DSCAM: variants seen among roughly 807,000 people sequenced by gnomAD.
DSCAM encodes the protein cell adhesion molecule DSCAM.
Under a neutral mutation model 217.7 loss-of-function variants are expected in DSCAM, and 47 were observed. The observed-to-expected ratio is 0.22, with a 90% CI of 0.17 to 0.28. The LOEUF is 0.28. Ranked by LOEUF, DSCAM falls within the 10% of genes least tolerant of loss-of-function variation. The pLI is 1.00. For synonymous variants in DSCAM, 1,056 were observed against 1,015.3 expected (o/e 1.04, Z -0.76); for missense variants, 2,080 against 2,618.3 (o/e 0.79, Z 4.49).
At chr21:40,025,397 G>A (rs1376253542) in intron 32 of DSCAM, among the ~76,000 whole-genome samples, 54 of 143,682 alleles carry the variant, frequency 3.8e-4, no homozygotes, top group Non-Finnish European at 3.2e-4. Context: ...AAATGAGTTA[G>A]GGAGGATTCC....
chr21:40,534,806 T>C (rs1032465946), intron 3 of DSCAM, among the ~76,000 whole-genome samples: 1 of 152,244 alleles, frequency 6.6e-6, no homozygotes, highest in Non-Finnish European at 1.5e-5. Context: ...TTTAATTTAA[T>C]CTATTATCAA....
At chr21:40,598,069 G>A (rs947127197) in intron 3 of DSCAM, among the ~76,000 whole-genome samples, 1 of 152,180 alleles carries the variant, frequency 6.6e-6, no homozygotes, top group African/African-American at 2.4e-5. Context: ...TAGTTTTACT[G>A]CCTCACAAAT....
At chr21:40,159,683 A>T (rs887149860) in intron 16 of DSCAM, among the ~76,000 whole-genome samples, 2 of 152,174 alleles carry the variant, frequency 1.3e-5, no homozygotes, top group Non-Finnish European at 2.9e-5. Context: ...CTAGCGTTCA[A>T]GGAATTATTC....
At chr21:40,347,317 A>G (rs2074569507) in intron 6 of DSCAM, among the ~76,000 whole-genome samples, 1 of 151,244 alleles carries the variant, frequency 6.6e-6, no homozygotes, top group African/African-American at 2.4e-5. Flanking sequence ...AAAAAAAAAA[A>G]TTCCCCAAGC....
rs548731070 is a variant in DSCAM, at chr21:40,021,579, C to T, written c.5687-8193G>A. Reference sequence around the variant, plus strand: ...GAACCCAGGCAGCTGCTTTGACTTCCGCCTTGAGGATGAGACGCTTTACCC... The same window carrying T: ...GAACCCAGGCAGCTGCTTTGACTTCTGCCTTGAGGATGAGACGCTTTACCC... On this transcript the variant is annotated intron_variant, in intron 32 of 32. Transcript: ENST00000400454. 7.2e-5 allele frequency among the ~76,000 whole-genome samples: 11 copies of T among 152,308 alleles called. No homozygotes were observed. The East Asian group carries it at 1.9e-3, about 27-fold the overall frequency.
intron 11 of DSCAM, among the ~76,000 whole-genome samples, chr21:40,235,155 A>G (rs2146931175): frequency 6.6e-6 from 1 of 152,354 alleles, no homozygotes; most frequent in South Asian, 2.1e-4. Context: ...GTGATACATT[A>G]CAATGGAGTT....
chr21:40,690,270 T>C (rs1328203906), intron 3 of DSCAM, among the ~76,000 whole-genome samples: 1 of 152,184 alleles, frequency 6.6e-6, no homozygotes, highest in Non-Finnish European at 1.5e-5. Flanking sequence ...AGAAGTCAGG[T>C]AAAATGCTCA....
chr21:40,313,702 G>A (rs1350167445), intron 8 of DSCAM, among the ~76,000 whole-genome samples: 5 of 152,054 alleles, frequency 3.3e-5, no homozygotes, highest in East Asian at 1.9e-4. Context: ...AACTATTCTC[G>A]GAGGGCTTAA....
intron 1 of DSCAM, among the ~76,000 whole-genome samples, chr21:40,783,843 A>G (rs982045820): frequency 2.0e-5 from 3 of 152,192 alleles, no homozygotes; most frequent in Admixed American, 1.3e-4. Context: ...CTTCCTAAAG[A>G]ACTCTGGGGA....
intron 3 of DSCAM, among the ~76,000 whole-genome samples, chr21:40,451,168 G>A (rs535429152): frequency 9.9e-5 from 15 of 152,148 alleles, no homozygotes; most frequent in Non-Finnish European, 1.8e-4. Flanking sequence ...AATTTGGATC[G>A]CCTGTTGATG....
intron 11 of DSCAM, among the ~76,000 whole-genome samples, chr21:40,227,130 C>T (rs1167360738): frequency 3.3e-5 from 5 of 152,026 alleles, no homozygotes; most frequent in Non-Finnish European, 7.4e-5. Context: ...ACCACATTTT[C>T]TTTAGTAGTT....
In DSCAM at chr21:40,694,507, A is replaced by C. The variant is rs538703950; in HGVS notation, c.362-1551T>G. On this transcript the variant is annotated intron_variant, in intron 2 of 32. Coordinates refer to ENST00000400454, the MANE Select transcript of DSCAM (RefSeq NM_001389.5). ...GTGATATGCTGAGCATTTTTGTAGT[A>C]AAGCATGTCTTTCATGAAAGCCTTC... Among the ~76,000 whole-genome samples the C allele has an allele frequency of 2.0e-5, 3 of 152,332 alleles. No homozygotes were observed. In the South Asian group the frequency reaches 6.2e-4, roughly 32 times the overall value.
At chr21:40,033,341 G>A (rs528732051) in intron 32 of DSCAM, among the ~76,000 whole-genome samples, 4 of 152,188 alleles carry the variant, frequency 2.6e-5, no homozygotes, top group Non-Finnish European at 4.4e-5. Flanking sequence ...GCCGAAGCAG[G>A]GCGAGGCATT....
chr21:40,305,968 A>G (rs112526871), intron 9 of DSCAM, among the ~76,000 whole-genome samples: 4,152 of 152,074 alleles, frequency 0.027, 192 homozygotes, highest in African/African-American at 0.096. Context: ...GTTTTTTCCA[A>G]TTCTGTGAAG....
chr21:40,709,394 G>A (rs546898773), intron 1 of DSCAM, among the ~76,000 whole-genome samples: 1 of 152,284 alleles, frequency 6.6e-6, no homozygotes, highest in East Asian at 1.9e-4. Context: ...AGAATGTGCA[G>A]GTTTGTCACA....
intron 14 of DSCAM, among the ~76,000 whole-genome samples, chr21:40,183,985 C>T (rs764671117): frequency 1.3e-5 from 2 of 152,084 alleles, no homozygotes; most frequent in Non-Finnish European, 2.9e-5. Context: ...TAAGGTTTGT[C>T]AGAGACAATT....
intron 3 of DSCAM, among the ~76,000 whole-genome samples, chr21:40,390,596 C>A (rs915908393): frequency 1.3e-5 from 2 of 152,132 alleles, no homozygotes; most frequent in Admixed American, 1.3e-4. Flanking sequence ...GTATTATTGG[C>A]AGGTCCGTAC....
chr21:40,052,022 A>T lies in DSCAM; in HGVS notation c.5121T>A (p.His1707Gln), dbSNP rs761560557. 9 of 1,614,184 alleles carry T rather than the reference A, an allele frequency of 5.6e-6. No individual in the cohort carries two copies. The East Asian group carries it at 2.0e-4, about 36-fold the overall frequency. The part of the protein sequence containing the change: ...QKSLTVTHTV[H>Q]YQSVSQATGP... ...CAGTGGCCTGAGACACCGATTGGTAATGGACCGTGTGAGTGACCGTCAGGG... is the reference window on the plus strand; with the variant it reads ...CAGTGGCCTGAGACACCGATTGGTATTGGACCGTGTGAGTGACCGTCAGGG... Residue 1707 changes from histidine (H) to glutamine (Q), a missense_variant, in exon 30 of 33, where the codon CAT becomes CAA. Around this residue, in one of 5 missense-constraint regions of DSCAM, gnomAD observed 1,144 missense variants for 1,421.1 expected, o/e 0.81. Transcript: ENST00000400454.
intron 3 of DSCAM, among the ~76,000 whole-genome samples, chr21:40,513,661 C>T (rs546481786): frequency 6.6e-6 from 1 of 152,242 alleles, no homozygotes; most frequent in Admixed American, 6.5e-5. Context: ...CGGCACCAAG[C>T]TATACATGAG....
Sources: gnomAD v4.1 joint callset for allele counts (sites outside exome capture counted in the v4.1 genomes callset) on GRCh38, gnomAD v4.1.1 for gene constraint, gnomAD v4.1.1 regional missense constraint, MANE v1.5 for transcripts, NCBI Gene and HGNC (gene_info 2026-07-23, HGNC 2026-07-21) for gene names.